WWOX: variants seen among roughly 807,000 people sequenced by gnomAD.
The protein encoded by WWOX is WW domain-containing oxidoreductase.
WWOX carries 69 observed loss-of-function variants against 46.2 expected under a neutral mutation model. The ratio of observed to expected loss-of-function variants is 1.49; its 90% CI spans 1.23 to 1.82. WWOX has a LOEUF of 1.82. Ranked by LOEUF, WWOX falls within the 40% of genes most tolerant of loss-of-function variation. WWOX has a pLI of 0.00. For synonymous variants in WWOX, 359 were observed against 202.6 expected (o/e 1.77, Z -6.56); for missense variants, 919 against 542.6 (o/e 1.69, Z -6.89).
chr16:79,124,421 C>G (rs193127349), intron 8 of WWOX, among the ~76,000 whole-genome samples: 1 of 152,006 alleles, frequency 6.6e-6, no homozygotes, highest in African/African-American at 2.4e-5. Context: ...AAAATACAAC[C>G]GAGGTTCCTC....
chr16:78,488,863 C>G (rs1273723926), intron 8 of WWOX, among the ~76,000 whole-genome samples: 1 of 152,172 alleles, frequency 6.6e-6, no homozygotes. Flanking sequence ...ATGCCTGTTT[C>G]TCAGAGTAGG....
At chr16:78,762,516 C>T (rs901085264) in intron 8 of WWOX, among the ~76,000 whole-genome samples, 1 of 152,224 alleles carries the variant, frequency 6.6e-6, no homozygotes, top group African/African-American at 2.4e-5. Flanking sequence ...CAATACGACC[C>T]AGCCCCTGTA....
In WWOX at chr16:78,485,710, T is replaced by C. The variant is rs529158057; in HGVS notation, c.1056+52958T>C. Among the ~76,000 whole-genome samples, 9 of 152,310 alleles carry C rather than the reference T, an allele frequency of 5.9e-5. No individual in the cohort carries two copies. The South Asian group carries it at 1.0e-3, about 18-fold the overall frequency. ...TCTGATTTGGGGCAGCACCTTTGCT[T>C]GAACGCTGGCTCCAGATGAAAGAAC... On this transcript the variant is annotated intron_variant, in intron 8 of 8. Coordinates refer to ENST00000566780, the MANE Select transcript of WWOX (RefSeq NM_016373.4).
intron 8 of WWOX, among the ~76,000 whole-genome samples, chr16:79,160,884 C>T (rs1029559191): frequency 6.6e-6 from 1 of 151,336 alleles, no homozygotes; most frequent in Non-Finnish European, 1.5e-5. Flanking sequence ...TGTGTACATA[C>T]ACATATACAT....
chr16:78,453,400 G>A (rs2083738332), intron 8 of WWOX, among the ~76,000 whole-genome samples: 2 of 151,102 alleles, frequency 1.3e-5, no homozygotes, highest in African/African-American at 4.9e-5. Flanking sequence ...TTCAGCCTGG[G>A]CGCATGAGCG....
At chr16:78,469,652 G>A (rs1473016994) in intron 8 of WWOX, among the ~76,000 whole-genome samples, 4 of 152,192 alleles carry the variant, frequency 2.6e-5, no homozygotes, top group East Asian at 1.9e-4. Context: ...TGAGTACCGC[G>A]CAGATAGTGG....
chr16:78,491,869 A>G lies in WWOX; in HGVS notation c.1056+59117A>G, dbSNP rs963511383. 2.0e-5 allele frequency among the ~76,000 whole-genome samples: 3 copies of G among 152,252 alleles called. 1 individual carries two copies. The highest frequency in any genetic ancestry group is 6.5e-5 in the Admixed American group (1 of 15,304). On this transcript the variant is annotated intron_variant, in intron 8 of 8. Coordinates refer to ENST00000566780, the MANE Select transcript of WWOX (RefSeq NM_016373.4). ...AGTGGCCCAAGACTCCCCTTTACACATTGCCGTTCCCTTGCCTTCTACTCC... is the reference window on the plus strand; with the variant it reads ...AGTGGCCCAAGACTCCCCTTTACACGTTGCCGTTCCCTTGCCTTCTACTCC...
intron 4 of WWOX, among the ~76,000 whole-genome samples, chr16:78,162,826 TTTG>T (rs1171292552): frequency 6.6e-6 from 1 of 152,194 alleles, no homozygotes; most frequent in Non-Finnish European, 1.5e-5. Flanking sequence ...TTTGGATTTT[TTTG>T]TTAACTTATT....
rs1273733901 is a variant in WWOX at position 78,195,111 on chromosome 16, C to G, written c.516+30822C>G. On this transcript the variant is annotated intron_variant, in intron 5 of 8. Transcript: ENST00000566780. ...TCTGAGGTTCCCCAGTCCTGCCAAG[C>G]TGTTCCATCCCCAGTTCCTTGGTGC... 3.3e-5 allele frequency among the ~76,000 whole-genome samples: 5 copies of G among 152,218 alleles called. No individual in the cohort carries two copies. In the East Asian group the frequency reaches 7.7e-4, roughly 23 times the overall value.
At chr16:78,911,656 A>T (rs2045114736) in intron 8 of WWOX, among the ~76,000 whole-genome samples, 1 of 152,036 alleles carries the variant, frequency 6.6e-6, no homozygotes, top group Non-Finnish European at 1.5e-5. Context: ...ACTTGAAGTC[A>T]GGAGTTTGAG....
At chr16:78,970,374 G>C (rs7198655) in intron 8 of WWOX, among the ~76,000 whole-genome samples, 7,848 of 152,246 alleles carry the variant, frequency 0.052, 707 homozygotes, top group African/African-American at 0.18. Context: ...ACATCAATTA[G>C]CATAACCTCA....
intron 8 of WWOX, among the ~76,000 whole-genome samples, chr16:78,561,065 C>A (rs1332193053): frequency 1.3e-5 from 2 of 152,286 alleles, no homozygotes; most frequent in Middle Eastern, 6.8e-3. Flanking sequence ...GAATCCACTG[C>A]CAAGCTCATT....
chr16:78,454,178 A>G (rs984662816), intron 8 of WWOX, among the ~76,000 whole-genome samples: 2 of 152,148 alleles, frequency 1.3e-5, no homozygotes, highest in African/African-American at 4.8e-5. Flanking sequence ...TTGTTTCCCA[A>G]ACTTTCAATG....
intron 8 of WWOX, among the ~76,000 whole-genome samples, chr16:78,732,425 G>A (rs1473815316): frequency 6.6e-6 from 1 of 152,114 alleles, no homozygotes; most frequent in Non-Finnish European, 1.5e-5. Context: ...TCATCAGATA[G>A]GAAGCCAACA....
At chr16:78,810,600 G>C (rs2051163103) in intron 8 of WWOX, among the ~76,000 whole-genome samples, 1 of 152,240 alleles carries the variant, frequency 6.6e-6, no homozygotes, top group Admixed American at 6.5e-5. Context: ...AAATTCTGCA[G>C]TGCTGGAGTA....
chr16:78,571,409 A>G (rs1054319867), intron 8 of WWOX, among the ~76,000 whole-genome samples: 1 of 152,216 alleles, frequency 6.6e-6, no homozygotes, highest in African/African-American at 2.4e-5. Context: ...ACAGACACAC[A>G]TTCATTTGAC....
At chr16:78,329,590 C>A (rs913836286) in intron 5 of WWOX, among the ~76,000 whole-genome samples, 1 of 152,166 alleles carries the variant, frequency 6.6e-6, no homozygotes, top group Non-Finnish European at 1.5e-5. Context: ...CTGGCAATGT[C>A]CCCAGTGCAA....
chr16:78,944,522 G>T (rs1044666346), intron 8 of WWOX, among the ~76,000 whole-genome samples: 1 of 152,116 alleles, frequency 6.6e-6, no homozygotes, highest in Non-Finnish European at 1.5e-5. Flanking sequence ...TATTTGATTT[G>T]TCTTGCTGTA....
In WWOX at chr16:78,817,033, C is replaced by T. The variant is rs1278649886; in HGVS notation, c.1056+384281C>T. On this transcript the variant is annotated intron_variant, in intron 8 of 8. Transcript: ENST00000566780. ...TGGGTTCTGACCAACTGTTTTTGATCCCACAGTCTGAAGTACGTTTGTGGA... is the reference window on the plus strand; with the variant it reads ...TGGGTTCTGACCAACTGTTTTTGATTCCACAGTCTGAAGTACGTTTGTGGA... Among the ~76,000 whole-genome samples the T allele has an allele frequency of 2.0e-5, 3 of 152,040 alleles. No homozygotes were observed. In the East Asian group the frequency reaches 5.8e-4, roughly 29 times the overall value.
Sources: gnomAD v4.1 joint callset for allele counts (sites outside exome capture counted in the v4.1 genomes callset) on GRCh38, gnomAD v4.1.1 for gene constraint, MANE v1.5 for transcripts, NCBI Gene and HGNC (gene_info 2026-07-23, HGNC 2026-07-21) for gene names.